MAMDC2: variants seen among roughly 807,000 people sequenced by gnomAD.
MAMDC2 encodes MAM domain-containing protein 2.
A neutral mutation model predicts 89.8 loss-of-function variants in MAMDC2; 57 were observed. The ratio of observed to expected loss-of-function variants is 0.63; its 90% confidence interval spans 0.51 to 0.79. The LOEUF (loss-of-function observed/expected upper bound fraction) is 0.79, where lower values mean the gene tolerates loss of function less well. Ranked by LOEUF, MAMDC2 falls within the 30% of genes least tolerant of loss-of-function variation. MAMDC2 has a pLI of 0.00. For synonymous variants in MAMDC2, 313 were observed against 293.4 expected, an observed-to-expected ratio of 1.07 and a Z score of -0.68; for missense variants, 800 against 820.6, an observed-to-expected ratio of 0.97 and a Z score of 0.31.
intron 6 of MAMDC2, among the ~76,000 whole-genome samples, chr9:70,126,647 G>C (rs2030565436): frequency 6.6e-6 from 1 of 152,080 alleles, no homozygotes; most frequent in Admixed American, 6.5e-5. Flanking sequence ...ATTTTTATGA[G>C]AACAAATATG....
At chr9:70,128,124 CT>C (rs2030644501) in intron 6 of MAMDC2, among the ~76,000 whole-genome samples, 1 of 152,178 alleles carries the variant, frequency 6.6e-6, no homozygotes, top group South Asian at 2.1e-4. Context: ...GAAAGTTGTC[CT>C]GAAGAAATCA....
chr9:70,160,929 T>C (rs1310203408), intron 9 of MAMDC2, among the ~76,000 whole-genome samples: 1 of 152,206 alleles, frequency 6.6e-6, no homozygotes, highest in Non-Finnish European at 1.5e-5. Context: ...AGTTGCATCA[T>C]GTCTCTCAGA....
chr9:70,064,810 C>T (rs573214795), intron 2 of MAMDC2, among the ~76,000 whole-genome samples: 12 of 152,290 alleles, frequency 7.9e-5, no homozygotes, highest in South Asian at 4.1e-4. Flanking sequence ...CCCAGAGAGT[C>T]AAATGACTTG....
At chr9:70,189,779 A>G (rs1259651185) in intron 11 of MAMDC2, among the ~76,000 whole-genome samples, 3 of 150,592 alleles carry the variant, frequency 2.0e-5, no homozygotes, top group African/African-American at 7.3e-5. Context: ...TTTTTCTTTT[A>G]TCTTTTTTTT....
chr9:70,159,655 T>G (rs2031896371), intron 9 of MAMDC2, among the ~76,000 whole-genome samples: 1 of 152,376 alleles, frequency 6.6e-6, no homozygotes, highest in East Asian at 1.9e-4. Context: ...GTTTGTGGAT[T>G]GCATTCTATA....
chr9:70,183,809 CTG>C (rs1490486465), intron 11 of MAMDC2, among the ~76,000 whole-genome samples: 1 of 152,084 alleles, frequency 6.6e-6, no homozygotes, highest in Non-Finnish European at 1.5e-5. Flanking sequence ...ATTTGCCAGT[CTG>C]TGTCTTTTAA....
intron 10 of MAMDC2, chr9:70,170,269 G>C (rs1411222141): frequency 4.6e-6 from 2 of 438,050 alleles, no homozygotes; most frequent in Non-Finnish European, 8.0e-6. Flanking sequence ...CTGTATATCT[G>C]ATTGTTCTCT....
intron 5 of MAMDC2, 95 bp from the exon 6 acceptor site, chr9:70,126,064 T>A: frequency 7.5e-7 from 1 of 1,340,788 alleles, no homozygotes; most frequent in South Asian, 1.4e-5. Context: ...TCCCACTGGA[T>A]TATTTAGAAT....
At chr9:70,133,289 C>T (rs1390191320) in intron 7 of MAMDC2, among the ~76,000 whole-genome samples, 1 of 152,122 alleles carries the variant, frequency 6.6e-6, no homozygotes, top group East Asian at 1.9e-4. Flanking sequence ...CTGAATCACC[C>T]ACAAGTAATG....
intron 11 of MAMDC2, among the ~76,000 whole-genome samples, chr9:70,206,071 G>A (rs1427593426): frequency 1.3e-5 from 2 of 152,188 alleles, no homozygotes; most frequent in Non-Finnish European, 2.9e-5. Context: ...TTAAAATTAT[G>A]TTTAGGTAAG....
chr9:70,222,490 A>G (rs140575660), intron 12 of MAMDC2, among the ~76,000 whole-genome samples: 1,668 of 152,222 alleles, frequency 0.011, 20 homozygotes, highest in Non-Finnish European at 0.017. Flanking sequence ...CTATGGGGAA[A>G]ATATGTGGGT....
chr9:70,193,111 G>A (rs1362204795), intron 11 of MAMDC2, among the ~76,000 whole-genome samples: 1 of 152,064 alleles, frequency 6.6e-6, no homozygotes, highest in Non-Finnish European at 1.5e-5. Context: ...GAAGGTTTAG[G>A]AGCCTGACTG....
At chr9:70,161,729 T>C (rs1178795978) in intron 9 of MAMDC2, among the ~76,000 whole-genome samples, 1 of 152,214 alleles carries the variant, frequency 6.6e-6, no homozygotes, top group East Asian at 1.9e-4. Context: ...AACAGTTAAA[T>C]GAATGCAATT....
intron 2 of MAMDC2, among the ~76,000 whole-genome samples, chr9:70,066,774 A>G (rs1303253076): frequency 1.3e-5 from 2 of 152,214 alleles, no homozygotes; most frequent in Non-Finnish European, 2.9e-5. Context: ...ATGTACTAGC[A>G]ATGGTGCTGA....
chr9:70,200,367 T>G (rs1317600584), intron 11 of MAMDC2, among the ~76,000 whole-genome samples: 3 of 146,792 alleles, frequency 2.0e-5, no homozygotes, highest in East Asian at 2.0e-4. Flanking sequence ...GTTGTAGGTA[T>G]GCGGCGTTAT....
intron 2 of MAMDC2, among the ~76,000 whole-genome samples, chr9:70,080,545 T>TAAGAAAAAAGG (rs1220898277): frequency 1.3e-5 from 2 of 152,198 alleles, no homozygotes; most frequent in Non-Finnish European, 2.9e-5. Flanking sequence ...GGTCCTCTGT[T>TAAGAAAAAAGG]AAGAAAAAAG....
chr9:70,165,742 A>G (rs912428281), intron 9 of MAMDC2, among the ~76,000 whole-genome samples: 2 of 152,216 alleles, frequency 1.3e-5, no homozygotes, highest in Admixed American at 6.5e-5. Context: ...GCTGTGTCCA[A>G]TTCAGTTAAC....
At chr9:70,206,753 A>G (rs181353176) in intron 11 of MAMDC2, among the ~76,000 whole-genome samples, 9 of 152,238 alleles carry the variant, frequency 5.9e-5, no homozygotes, top group East Asian at 5.8e-4. Context: ...TACAATAGGT[A>G]TAACTCCTAA....
At chr9:70,183,324 C>G (rs1344032340) in intron 11 of MAMDC2, among the ~76,000 whole-genome samples, 2 of 152,112 alleles carry the variant, frequency 1.3e-5, no homozygotes, top group East Asian at 1.9e-4. Flanking sequence ...TGTATATTCT[C>G]CTGATTTGGG....
Sources: gnomAD v4.1 joint callset for allele counts (sites outside exome capture counted in the v4.1 genomes callset) on GRCh38, gnomAD v4.1.1 for gene constraint, MANE v1.5 for transcripts, NCBI Gene and HGNC (gene_info 2026-07-23, HGNC 2026-07-21) for gene names.